The following CHL1 variants were observed in gnomAD, a reference collection of about 807,000 sequenced individuals.
CHL1 encodes the protein cell adhesion molecule L1 like.
In CHL1, 96 loss-of-function variants were observed where a neutral mutation model predicts 141.9. The observed-to-expected ratio is 0.68, with a 90% CI of 0.57 to 0.80. CHL1 has a LOEUF of 0.80. Ranked by LOEUF, CHL1 falls within the 30% of genes least tolerant of loss-of-function variation. The pLI, the probability that CHL1 is intolerant of heterozygous loss-of-function variation, is 0.00. For synonymous variants in CHL1, 613 were observed against 502.2 expected (o/e 1.22, Z -2.95); for missense variants, 1,820 against 1,457.2 (o/e 1.25, Z -4.05).
chr3:325,358 A>G (rs951222908), intron 3 of CHL1, among the ~76,000 whole-genome samples: 1 of 152,050 alleles, frequency 6.6e-6, no homozygotes, highest in Non-Finnish European at 1.5e-5. Flanking sequence ...AGTAATTACC[A>G]CTTGTGTCCA....
chr3:344,696 T>A lies in CHL1; in HGVS notation c.835T>A (p.Phe279Ile), dbSNP rs773637394. The A allele has an allele frequency of 6.2e-7, 1 of 1,613,712 alleles. No homozygotes were observed. The highest frequency in any genetic ancestry group is 1.3e-5 in the African/African-American group (1 of 74,912). ...AGGGGAAATCTTGCTGCTTGAGTGT[T>A]TTGCTGAAGGCTTGTGAGTAACCTG... The part of the protein sequence containing the change: ...LKGEILLLEC[F>I]AEGLPTPQVD... Residue 279 changes from phenylalanine to isoleucine, a missense_variant, in exon 9 of 28, where the codon TTT becomes ATT. Phe to Ile is a conservative substitution (Grantham distance 21). Transcript: ENST00000256509.
intron 13 of CHL1, among the ~76,000 whole-genome samples, chr3:362,831 G>A (rs926532652): frequency 2.0e-5 from 3 of 152,146 alleles, no homozygotes; most frequent in Non-Finnish European, 4.4e-5. Context: ...GACAGCAGGA[G>A]GTTTGAAAGG....
chr3:342,968 C>A lies in CHL1; in HGVS notation c.680-16C>A. 1 of 1,593,704 alleles carries A rather than the reference C, an allele frequency of 6.3e-7. No individual in the cohort carries two copies. On this transcript the variant is annotated splice_polypyrimidine_tract_variant and intron_variant, in intron 7 of 27. Coordinates refer to ENST00000256509, the MANE Select transcript of CHL1 (RefSeq NM_006614.4). ...CCATTATGTTTGTGTTTTTTCCTTC[C>A]GTTTTTTTATTTCAGTAAAGCATGC...
At chr3:380,250 C>T (rs1706870550) in intron 16 of CHL1, among the ~76,000 whole-genome samples, 1 of 152,144 alleles carries the variant, frequency 6.6e-6, no homozygotes, top group Non-Finnish European at 1.5e-5. Context: ...TCATGAACCA[C>T]ATTTTTTAAA....
intron 9 of CHL1, among the ~76,000 whole-genome samples, chr3:349,047 C>T (rs1200439009): frequency 6.6e-6 from 1 of 152,196 alleles, no homozygotes; most frequent in Non-Finnish European, 1.5e-5. Context: ...TCAATGAGCT[C>T]CAGCTATTTT....
intron 1 of CHL1, among the ~76,000 whole-genome samples, chr3:204,193 A>G (rs1166465194): frequency 6.6e-6 from 1 of 152,248 alleles, no homozygotes; most frequent in Non-Finnish European, 1.5e-5. Context: ...GAATAATGTA[A>G]AAGATGTATT....
chr3:260,960 G>A (rs962435302), intron 2 of CHL1, among the ~76,000 whole-genome samples: 2 of 152,082 alleles, frequency 1.3e-5, no homozygotes, highest in African/African-American at 4.8e-5. Flanking sequence ...AAGCCATTCC[G>A]TCGGCCTTAT....
chr3:241,748 A>G (rs111487345), intron 1 of CHL1, among the ~76,000 whole-genome samples: 3,204 of 151,620 alleles, frequency 0.021, 52 homozygotes, highest in Non-Finnish European at 0.033. Context: ...TCTTTTTAAT[A>G]TTTTCTTTTT....
chr3:317,270 G>T (rs1369077822), intron 2 of CHL1, among the ~76,000 whole-genome samples: 3 of 151,810 alleles, frequency 2.0e-5, no homozygotes, highest in Admixed American at 2.0e-4. Flanking sequence ...TCAAAAAATG[G>T]GATCACCATT....
chr3:239,464 C>G (rs911690009), intron 1 of CHL1, among the ~76,000 whole-genome samples: 3 of 151,890 alleles, frequency 2.0e-5, no homozygotes, highest in Non-Finnish European at 2.9e-5. Flanking sequence ...GTAATGTGCT[C>G]CCTCCTGCTC....
chr3:301,578 T>A (rs1698738840), intron 2 of CHL1, among the ~76,000 whole-genome samples: 1 of 152,170 alleles, frequency 6.6e-6, no homozygotes, highest in African/African-American at 2.4e-5. Context: ...TGTGTAGCTC[T>A]TTGTTGAGAT....
intron 1 of CHL1, among the ~76,000 whole-genome samples, chr3:207,454 A>C (rs1472189982): frequency 1.3e-5 from 2 of 152,214 alleles, no homozygotes; most frequent in Non-Finnish European, 2.9e-5. Flanking sequence ...GTTCTGTAAA[A>C]TGCATCTGAT....
intron 9 of CHL1, among the ~76,000 whole-genome samples, chr3:345,918 G>T (rs1004200921): frequency 4.6e-5 from 7 of 152,230 alleles, no homozygotes; most frequent in African/African-American, 1.2e-4. Context: ...TAATCATACA[G>T]GGTCTCCTAT....
intron 1 of CHL1, among the ~76,000 whole-genome samples, chr3:226,084 C>T (rs909139312): frequency 3.3e-5 from 5 of 151,054 alleles, no homozygotes; most frequent in Non-Finnish European, 7.4e-5. Context: ...TGCGGAGGCA[C>T]GATCTCAGCT....
intron 2 of CHL1, among the ~76,000 whole-genome samples, chr3:263,048 C>T (rs1295693616): frequency 1.3e-5 from 2 of 152,224 alleles, no homozygotes; most frequent in Non-Finnish European, 2.9e-5. Flanking sequence ...ATGAAGACCA[C>T]TTCAAGTGCT....
chr3:381,694 G>C (rs1230592731), intron 16 of CHL1, among the ~76,000 whole-genome samples: 2 of 152,088 alleles, frequency 1.3e-5, no homozygotes, highest in African/African-American at 4.8e-5. Flanking sequence ...CAGCCAAAAA[G>C]AATATTAGCT....
At chr3:202,136 T>C (rs1240367007) in intron 1 of CHL1, among the ~76,000 whole-genome samples, 2 of 152,160 alleles carry the variant, frequency 1.3e-5, no homozygotes, top group African/African-American at 2.4e-5. Context: ...CTAAGACTAG[T>C]TTCTTCTTTA....
intron 5 of CHL1, among the ~76,000 whole-genome samples, chr3:337,053 G>A (rs894102277): frequency 6.6e-6 from 1 of 152,200 alleles, no homozygotes; most frequent in East Asian, 1.9e-4. Flanking sequence ...AAAGCCTAAT[G>A]GAGAAGAGTG....
intron 19 of CHL1, among the ~76,000 whole-genome samples, chr3:385,474 C>G (rs1339743346): frequency 2.6e-5 from 4 of 152,108 alleles, no homozygotes; most frequent in Admixed American, 2.6e-4. Flanking sequence ...TTTTTTATTA[C>G]CCCAAAGATA....
Sources: allele counts gnomAD v4.1 joint callset (sites outside exome capture counted in the v4.1 genomes callset), GRCh38; gene constraint gnomAD v4.1.1; transcripts MANE v1.5; gene names NCBI Gene and HGNC (gene_info 2026-07-23, HGNC 2026-07-21).